The following PATJ variants were observed in gnomAD, a reference collection of about 807,000 sequenced individuals.
PATJ encodes the protein inaD-like protein.
A neutral mutation model predicts 224.9 loss-of-function variants in PATJ; 190 were observed. The ratio of observed to expected loss-of-function variants is 0.84; its 90% CI spans 0.75 to 0.95. PATJ has a LOEUF of 0.95. Among genes scored for constraint, PATJ ranks in the 40% least tolerant of loss-of-function variants. The pLI, the probability that PATJ is intolerant of heterozygous loss-of-function variation, is 0.00. For missense variants in PATJ, 2,121 were observed against 2,270.3 expected, an observed-to-expected ratio of 0.93 and a Z score of 1.34; for synonymous variants, 769 against 820.3, an observed-to-expected ratio of 0.94 and a Z score of 1.07.
At chr1:61,883,146 A>C (rs1668330723) in intron 21 of PATJ, among the ~76,000 whole-genome samples, 1 of 152,184 alleles carries the variant, frequency 6.6e-6, no homozygotes, top group South Asian at 2.1e-4. Context: ...AGGAGAAAAT[A>C]CTAGCCTTTA....
chr1:61,801,032 A>G (rs181170782), intron 11 of PATJ, among the ~76,000 whole-genome samples: 47 of 152,326 alleles, frequency 3.1e-4, no homozygotes, highest in African/African-American at 1.1e-3. Flanking sequence ...TAATGCCGCA[A>G]TAAACATACA....
rs1411229394 is a variant in PATJ at position 62,026,478 on chromosome 1, GTGTGTGTGTC to G, written c.3959+8541_3959+8550del. 4.8e-3 allele frequency among the ~76,000 whole-genome samples: 489 copies of G among 100,914 alleles called. 2 individuals are homozygous for G. The highest frequency in any genetic ancestry group is 0.015 in the Middle Eastern group (3 of 204). The allele number at this position is 100,914 out of a possible 152,430, so 66.2% of individuals were successfully genotyped here. ...ATTCAACATTTGTGTGTGTGTGTGT[GTGTGTGTGTC>G]TGTGTGTGTGTGTACATGCACCTAA... On this transcript the variant is annotated intron_variant, in intron 29 of 43. Coordinates refer to ENST00000642238, the MANE Select transcript of PATJ (RefSeq NM_001350145.3).
intron 41 of PATJ, among the ~76,000 whole-genome samples, chr1:62,144,634 G>C (rs1667822271): frequency 6.6e-6 from 1 of 151,792 alleles, no homozygotes; most frequent in South Asian, 2.1e-4. Flanking sequence ...CCATTTAATA[G>C]ATGAGGAAGC....
intron 33 of PATJ, among the ~76,000 whole-genome samples, chr1:62,094,981 A>G (rs1194163597): frequency 1.3e-5 from 2 of 152,220 alleles, no homozygotes; most frequent in African/African-American, 4.8e-5. Flanking sequence ...GATTTCAAGT[A>G]TGATCAGTAA....
rs765307994 is a variant in PATJ, at chr1:61,856,058, T to C, written c.2141T>C (p.Ile714Thr). 3.1e-6 allele frequency: 5 copies of C among 1,614,064 alleles called. No individual in the cohort carries two copies. The South Asian group carries it at 5.5e-5, about 18-fold the overall frequency. ...CCTTTAGATCCTACAAGATCAGTGA[T>C]TGTGATCCGCTCCCTGGTAGCAGAT... ...QDPLDPTRSV[I>T]VIRSLVADGV... is the part of the protein sequence containing the mutation. The change falls in exon 18 of 44, where the codon ATT becomes ACT. Residue 714 changes from isoleucine (I) to threonine (T), a missense_variant. Coordinates refer to ENST00000642238, the MANE Select transcript of PATJ (RefSeq NM_001350145.3).
At chr1:62,022,926 A>G (rs1647172816) in intron 29 of PATJ, among the ~76,000 whole-genome samples, 1 of 152,200 alleles carries the variant, frequency 6.6e-6, no homozygotes, top group Non-Finnish European at 1.5e-5. Flanking sequence ...ATATTGCTTG[A>G]ATTAATGTGA....
chr1:62,057,290 T>C lies in PATJ; in HGVS notation c.4125+6232T>C, dbSNP rs912631973. Among the ~76,000 whole-genome samples the C allele has an allele frequency of 3.3e-5, 5 of 152,130 alleles. No homozygotes were observed. In the East Asian group the frequency reaches 9.6e-4, roughly 29 times the overall value. On this transcript the variant is annotated intron_variant, in intron 31 of 43. Coordinates refer to ENST00000642238, the MANE Select transcript of PATJ (RefSeq NM_001350145.3). ...GGACAAAGAAGAAAACAAAGGAAGG[T>C]TTTAGGCAACCTTAGAGCCTCTGAG... is the stretch of plus-strand genomic sequence containing the variant.
intron 20 of PATJ, among the ~76,000 whole-genome samples, chr1:61,872,738 A>G (rs551409311): frequency 6.6e-6 from 1 of 152,294 alleles, no homozygotes; most frequent in African/African-American, 2.4e-5. Flanking sequence ...AAATACCCCT[A>G]AGGAAAATCC....
At chr1:62,050,897 A>T in intron 30 of PATJ, 69 bp from the exon 31 acceptor site, 1 of 1,111,172 alleles carries the variant, frequency 9.0e-7, no homozygotes, top group Non-Finnish European at 1.4e-6. Flanking sequence ...GACATTGAGT[A>T]TCTGTACAAT....
intron 19 of PATJ, among the ~76,000 whole-genome samples, chr1:61,863,256 G>A (rs12142851): frequency 6.6e-6 from 1 of 151,816 alleles, no homozygotes; most frequent in Non-Finnish European, 1.5e-5. Context: ...GCCTGGTCTA[G>A]AACTCTTGTA....
intron 29 of PATJ, among the ~76,000 whole-genome samples, chr1:62,020,208 T>A (rs1392672348): frequency 6.6e-6 from 1 of 152,098 alleles, no homozygotes; most frequent in Admixed American, 6.5e-5. Flanking sequence ...AGAAGATATA[T>A]GTAGCACTTA....
intron 22 of PATJ, among the ~76,000 whole-genome samples, chr1:61,891,529 T>A (rs1283594116): frequency 6.6e-6 from 1 of 152,162 alleles, no homozygotes; most frequent in Admixed American, 6.5e-5. Flanking sequence ...CACGTGACAC[T>A]TCTAGGTTCT....
intron 34 of PATJ, among the ~76,000 whole-genome samples, chr1:62,108,871 C>A (rs1663456219): frequency 6.6e-6 from 1 of 152,112 alleles, no homozygotes; most frequent in African/African-American, 2.4e-5. Context: ...GATACATACA[C>A]ATACACATAT....
At chr1:61,951,201 A>G (rs1372850717) in intron 27 of PATJ, among the ~76,000 whole-genome samples, 1 of 151,972 alleles carries the variant, frequency 6.6e-6, no homozygotes, top group Non-Finnish European at 1.5e-5. Context: ...GGAAAAAAAA[A>G]GTTATTTAGT....
chr1:61,876,620 A>G (rs1054519421), intron 21 of PATJ, among the ~76,000 whole-genome samples: 1 of 152,126 alleles, frequency 6.6e-6, no homozygotes, highest in Non-Finnish European at 1.5e-5. Flanking sequence ...CCAGTGGCAC[A>G]CCCTCTCCCA....
intron 34 of PATJ, among the ~76,000 whole-genome samples, chr1:62,112,004 CT>C (rs746140299): frequency 4.3e-4 from 65 of 152,118 alleles, no homozygotes; most frequent in Admixed American, 2.2e-3. Flanking sequence ...TGTAGCTCAT[CT>C]AAGTGAACAC....
intron 6 of PATJ, among the ~76,000 whole-genome samples, chr1:61,774,736 A>G (rs1557621286): frequency 6.6e-6 from 1 of 152,124 alleles, no homozygotes; most frequent in Admixed American, 6.6e-5. Flanking sequence ...TTGTAGTGCA[A>G]CTTAAATGCC....
intron 41 of PATJ, among the ~76,000 whole-genome samples, chr1:62,134,470 C>T (rs879479775): frequency 9.2e-5 from 14 of 151,600 alleles, no homozygotes; most frequent in Non-Finnish European, 1.6e-4. Context: ...CTCAGCCTCC[C>T]GAGTAGCTGG....
At chr1:61,815,797 A>G (rs1027858712) in intron 14 of PATJ, among the ~76,000 whole-genome samples, 3 of 152,222 alleles carry the variant, frequency 2.0e-5, no homozygotes, top group African/African-American at 7.2e-5. Context: ...AGCTATTTAC[A>G]GTGACTTAAG....
Sources: allele counts gnomAD v4.1 joint callset (sites outside exome capture counted in the v4.1 genomes callset), GRCh38; gene constraint gnomAD v4.1.1; transcripts MANE v1.5; gene names NCBI Gene and HGNC (gene_info 2026-07-23, HGNC 2026-07-21).